Variants in SLC39A11 observed in about 807,000 individuals in gnomAD.
The protein encoded by SLC39A11 is zinc transporter ZIP11.
A neutral mutation model predicts 36.1 loss-of-function variants in SLC39A11; 33 were observed. That is an observed-to-expected ratio of 0.91 (90% CI 0.69 to 1.22). The LOEUF is 1.22. Among genes scored for constraint, SLC39A11 ranks in the 50% most tolerant of loss-of-function variants. SLC39A11 has a pLI of 0.00. For synonymous variants in SLC39A11, 166 were observed against 170.3 expected (o/e 0.97, Z 0.20); for missense variants, 432 against 430.3 (o/e 1.00, Z -0.03).
At chr17:72,708,464 G>A (rs1488995521) in intron 7 of SLC39A11, among the ~76,000 whole-genome samples, 1 of 152,176 alleles carries the variant, frequency 6.6e-6, no homozygotes, top group African/African-American at 2.4e-5. Context: ...ATAATCACAT[G>A]AGCAAATTCT....
Position 73,015,527 on chromosome 17 carries a change from G to A in SLC39A11, c.306+16029C>T, listed in dbSNP as rs117228543. Reference sequence around the variant, plus strand: ...GCCATCCGATTCTCCCCAATAACTCGTCCTTAACAAACTGCCACGTGGAAC... The same window carrying A: ...GCCATCCGATTCTCCCCAATAACTCATCCTTAACAAACTGCCACGTGGAAC... On this transcript the variant is annotated intron_variant, in intron 4 of 9. Coordinates refer to ENST00000255559, the MANE Select transcript of SLC39A11 (RefSeq NM_139177.4). Among the ~76,000 whole-genome samples, 12 of 152,162 alleles carry A rather than the reference G, an allele frequency of 7.9e-5. No homozygotes were observed. In the East Asian group the frequency reaches 1.7e-3, roughly 22 times the overall value.
chr17:72,890,979 G>A (rs2081708985), intron 5 of SLC39A11, among the ~76,000 whole-genome samples: 1 of 152,012 alleles, frequency 6.6e-6, no homozygotes, highest in Admixed American at 6.6e-5. Context: ...TTGATGTTTA[G>A]TGGGTCGCTG....
intron 5 of SLC39A11, among the ~76,000 whole-genome samples, chr17:72,941,862 C>CTATTTATT (rs141344356): frequency 0.42 from 60,949 of 144,590 alleles, 14,140 homozygotes; most frequent in Non-Finnish European, 0.51. Context: ...TTGCTTCATT[C>CTATTTATT]TATTTATTTA....
chr17:73,066,657 C>T (rs984280925), intron 3 of SLC39A11, among the ~76,000 whole-genome samples: 3 of 152,200 alleles, frequency 2.0e-5, no homozygotes, highest in Admixed American at 1.3e-4. Flanking sequence ...GAGCACACAT[C>T]CTGCTCAAGT....
intron 3 of SLC39A11, among the ~76,000 whole-genome samples, chr17:73,041,009 C>CAAA (rs201482199): frequency 5.4e-4 from 75 of 140,148 alleles, no homozygotes; most frequent in African/African-American, 1.9e-3. Context: ...AAACAAAAAA[C>CAAA]AAAAAAAAAA....
At chr17:72,900,977 CAACAAAAAAAAAACACG>C (rs1567914972) in intron 5 of SLC39A11, among the ~76,000 whole-genome samples, 3 of 148,900 alleles carry the variant, frequency 2.0e-5, no homozygotes, top group Non-Finnish European at 3.0e-5. Flanking sequence ...AACAAACAAA[CAACAAAAAAAAAACACG>C]AAAAAAAAAC....
At chr17:72,802,711 G>C (rs1225601586) in intron 6 of SLC39A11, among the ~76,000 whole-genome samples, 1 of 152,140 alleles carries the variant, frequency 6.6e-6, no homozygotes, top group Admixed American at 6.5e-5. Context: ...TGGGGAATAG[G>C]GGCTGGAAAA....
chr17:73,088,026 C>T (rs2144889258), intron 2 of SLC39A11, among the ~76,000 whole-genome samples: 1 of 152,162 alleles, frequency 6.6e-6, no homozygotes, highest in East Asian at 1.9e-4. Flanking sequence ...CATGGCAGGC[C>T]AGGCACGGTG....
chr17:73,084,523 C>T (rs1417795344), intron 3 of SLC39A11, among the ~76,000 whole-genome samples: 1 of 151,036 alleles, frequency 6.6e-6, no homozygotes, highest in East Asian at 1.9e-4. Flanking sequence ...TAGTTAGAGC[C>T]AACTATGTAT....
intron 3 of SLC39A11, among the ~76,000 whole-genome samples, chr17:73,059,698 A>G (rs913696383): frequency 1.1e-4 from 9 of 82,280 alleles, no homozygotes; most frequent in Admixed American, 4.4e-4. Flanking sequence ...ACAACTCCAT[A>G]TGCAAGGAAA....
chr17:72,750,748 T>C (rs2075124999), intron 6 of SLC39A11, among the ~76,000 whole-genome samples: 1 of 151,796 alleles, frequency 6.6e-6, no homozygotes, highest in African/African-American at 2.4e-5. Flanking sequence ...GGGAGGGGCA[T>C]TTTTTCCTAC....
intron 4 of SLC39A11, among the ~76,000 whole-genome samples, chr17:72,962,170 T>G (rs2086657101): frequency 6.6e-6 from 1 of 152,166 alleles, no homozygotes; most frequent in Non-Finnish European, 1.5e-5. Flanking sequence ...TAAGCCTAAA[T>G]TCCAAAGCAA....
intron 4 of SLC39A11, among the ~76,000 whole-genome samples, chr17:72,983,788 G>A (rs1314685345): frequency 6.6e-6 from 1 of 152,184 alleles, no homozygotes; most frequent in African/African-American, 2.4e-5. Flanking sequence ...CCATAAAGAT[G>A]CCCAACGGTG....
chr17:73,015,903 T>C (rs1418634387), intron 4 of SLC39A11, among the ~76,000 whole-genome samples: 1 of 152,050 alleles, frequency 6.6e-6, no homozygotes, highest in East Asian at 1.9e-4. Flanking sequence ...TAGAGCAAAA[T>C]GAAAAGAATG....
rs867786638 is a variant in SLC39A11 at position 72,771,584 on chromosome 17, G to A, written c.602-34865C>T. ...GATGGATTACCTTTAAAGTTTCCTG[G>A]GGCCATCTCTAGTTACACAGCAGGG... On this transcript the variant is annotated intron_variant, in intron 6 of 9. Coordinates refer to ENST00000255559, the MANE Select transcript of SLC39A11 (RefSeq NM_139177.4). Among the ~76,000 whole-genome samples the A allele has an allele frequency of 2.2e-4, 34 of 151,946 alleles. 1 individual carries two copies. The highest frequency in any genetic ancestry group is 8.0e-4 in the African/African-American group (33 of 41,332).
At chr17:72,853,146 C>G (rs757442531) in intron 5 of SLC39A11, among the ~76,000 whole-genome samples, 42 of 151,948 alleles carry the variant, frequency 2.8e-4, no homozygotes, top group Non-Finnish European at 4.9e-4. Flanking sequence ...TCCCAAGTAG[C>G]TGGAACTATA....
chr17:72,795,160 T>C (rs981714728), intron 6 of SLC39A11, among the ~76,000 whole-genome samples: 4 of 152,112 alleles, frequency 2.6e-5, no homozygotes, highest in Non-Finnish European at 5.9e-5. Flanking sequence ...AATAATCCTG[T>C]ATGGTCTCAG....
intron 6 of SLC39A11, chr17:72,819,037 T>TCA (rs942543341): frequency 1.3e-5 from 2 of 152,150 alleles, no homozygotes; most frequent in African/African-American, 4.8e-5. Context: ...CTTCCCTGGA[T>TCA]GGAGGGGTGT....
At chr17:72,910,555 T>C (rs1369352840) in intron 5 of SLC39A11, among the ~76,000 whole-genome samples, 2 of 131,256 alleles carry the variant, frequency 1.5e-5, no homozygotes, top group African/African-American at 6.0e-5. Context: ...ACCTGGGAGA[T>C]GGAAGTTGCA....
Sources: gnomAD v4.1 joint callset for allele counts (sites outside exome capture counted in the v4.1 genomes callset) on GRCh38, gnomAD v4.1.1 for gene constraint, MANE v1.5 for transcripts, NCBI Gene and HGNC (gene_info 2026-07-23, HGNC 2026-07-21) for gene names.